SMIM20: variants seen among roughly 807,000 people sequenced by gnomAD.
SMIM20 encodes small integral membrane protein 20.
In SMIM20, 3 loss-of-function variants were observed where a neutral mutation model predicts 8.7. The ratio of observed to expected loss-of-function variants is 0.34; its 90% CI spans 0.16 to 0.89. The LOEUF is 0.89. SMIM20 is among the 40% of genes least tolerant of loss of function. The pLI is 0.49. For synonymous variants in SMIM20, 44 were observed against 33.6 expected (o/e 1.31, Z -1.07); for missense variants, 85 against 84.8 (o/e 1.00, Z -0.01).
intron 1 of SMIM20, chr4:25,928,107 T>C: frequency 4.8e-6 from 2 of 413,230 alleles, no homozygotes; most frequent in South Asian, 1.5e-4. Flanking sequence ...ATGGATTTCT[T>C]TATTCTTTTG....
At chr4:25,915,696 T>C (rs774782903) in intron 1 of SMIM20, among the ~76,000 whole-genome samples, 6 of 152,182 alleles carry the variant, frequency 3.9e-5, no homozygotes, top group Non-Finnish European at 5.9e-5. Context: ...CCAGCGATTA[T>C]ATTGAGGCCA....
intron 1 of SMIM20, among the ~76,000 whole-genome samples, chr4:25,917,933 G>GTTTTTT (rs1252198807): frequency 6.8e-4 from 94 of 139,182 alleles, no homozygotes; most frequent in African/African-American, 2.2e-3. Context: ...GTACAGGTCA[G>GTTTTTT]TTTTTTTTTT....
At position 25,929,267 on chromosome 4, in the gene SMIM20, C is replaced by T; in HGVS notation, c.*76C>T. On this transcript the variant is annotated 3_prime_UTR_variant, in exon 3 of 3. Transcript: ENST00000506197. ...ATTCTGCATGGGGTACAGCCAGTCA[C>T]CTCACCAGAGAATGACGGCTGGAGA... The T allele has an allele frequency of 2.0e-6, 3 of 1,465,864 alleles. 1 individual carries two copies. The highest frequency in any genetic ancestry group is 1.9e-6 in the Non-Finnish European group (2 of 1,072,808). The allele number at this position is 1,465,864 out of a possible 1,614,324, so 90.8% of individuals were successfully genotyped here.
rs187755412 is a variant in SMIM20, at chr4:25,918,164, G to A, written c.109+3742G>A. 1.6e-3 allele frequency among the ~76,000 whole-genome samples: 238 copies of A among 151,940 alleles called. 3 individuals carry two copies. The East Asian group carries it at 0.029, about 19-fold the overall frequency. On this transcript the variant is annotated intron_variant, in intron 1 of 2. Transcript: ENST00000506197. Reference sequence around the variant, plus strand: ...TCACCGTGTTAGCCAGGATGGTCTCGACCTCCTGACCTCGTGATCCGCCTG... The same window carrying A: ...TCACCGTGTTAGCCAGGATGGTCTCAACCTCCTGACCTCGTGATCCGCCTG...
chr4:25,918,889 CTTTTTTTTTTTTTTT>C (rs775952783), intron 1 of SMIM20, among the ~76,000 whole-genome samples: 12 of 91,694 alleles, frequency 1.3e-4, no homozygotes, highest in African/African-American at 4.3e-4. Flanking sequence ...ATGTGAATAT[CTTTTTTTTTTTTTTT>C]TTTTTTTTTT....
intron 1 of SMIM20, among the ~76,000 whole-genome samples, chr4:25,918,125 G>A (rs1719128248): frequency 6.6e-6 from 1 of 151,882 alleles, no homozygotes; most frequent in East Asian, 2.0e-4. Flanking sequence ...TGTATTATCA[G>A]TAGAGACGGG....
chr4:25,919,160 T>C (rs1284821010), intron 1 of SMIM20, among the ~76,000 whole-genome samples: 1 of 151,956 alleles, frequency 6.6e-6, no homozygotes, highest in Non-Finnish European at 1.5e-5. Flanking sequence ...CGCCTCGGCC[T>C]CCCAAAGTGC....
At chr4:25,927,616 T>A (rs548627059) in intron 1 of SMIM20, among the ~76,000 whole-genome samples, 1 of 152,358 alleles carries the variant, frequency 6.6e-6, no homozygotes, top group East Asian at 1.9e-4. Flanking sequence ...TAACTCTTTG[T>A]TTTTACAGAC....
rs537806550 is a variant in SMIM20 at position 25,917,946 on chromosome 4, GT to G, written c.109+3538del. Among the ~76,000 whole-genome samples the G allele has an allele frequency of 4.2e-4, 54 of 127,998 alleles. No individual in the cohort carries two copies. The South Asian group carries it at 5.2e-3, about 12-fold the overall frequency. 84.0% of individuals were successfully genotyped at this position (127,998 alleles called of 152,430 possible). On this transcript the variant is annotated intron_variant, in intron 1 of 2. Coordinates refer to ENST00000506197, the MANE Select transcript of SMIM20 (RefSeq NM_001145432.3). Reference sequence around the variant, plus strand: ...TGGTACAGGTCAGTTTTTTTTTTTTGTTTTTTTTTTTTTTGAGACAGAGTCT... The same window carrying G: ...TGGTACAGGTCAGTTTTTTTTTTTTGTTTTTTTTTTTTTGAGACAGAGTCT...
chr4:25,917,724 C>T (rs1012019239), intron 1 of SMIM20, among the ~76,000 whole-genome samples: 1 of 152,200 alleles, frequency 6.6e-6, no homozygotes, highest in Non-Finnish European at 1.5e-5. Context: ...TTGTCCTGTC[C>T]ACCTCGCTCC....
intron 1 of SMIM20, among the ~76,000 whole-genome samples, chr4:25,924,227 A>C (rs1420149298): frequency 4.6e-5 from 7 of 152,192 alleles, no homozygotes; most frequent in Admixed American, 4.6e-4. Flanking sequence ...TTTTGAAAAA[A>C]ATTTTATATT....
In SMIM20 at chr4:25,917,718, C is replaced by G. The variant is rs183057794; in HGVS notation, c.109+3296C>G. On this transcript the variant is annotated intron_variant, in intron 1 of 2. Coordinates refer to ENST00000506197, the MANE Select transcript of SMIM20 (RefSeq NM_001145432.3). Reference sequence around the variant, plus strand: ...TCCATCATGCTCTTCCTACCCTTGTCCTGTCCACCTCGCTCCACCCATTCC... The same window carrying G: ...TCCATCATGCTCTTCCTACCCTTGTGCTGTCCACCTCGCTCCACCCATTCC... 2.0e-5 allele frequency among the ~76,000 whole-genome samples: 3 copies of G among 152,204 alleles called. No homozygotes were observed. The South Asian group carries it at 6.2e-4, about 31-fold the overall frequency.
Position 25,929,134 on chromosome 4 carries a change from G to T in SMIM20, c.167-20G>T, listed in dbSNP as rs369480019. The T allele has an allele frequency of 1.6e-4, 244 of 1,551,402 alleles. 1 individual carries two copies. The African/African-American group carries it at 2.9e-3, about 19-fold the overall frequency. ...ACATTTAAAAATGAATCCTGTTTTT[G>T]TTCCTGTTTCTTTCCATAGGGTTAA... On this transcript the variant is annotated intron_variant, in intron 2 of 2. Transcript: ENST00000506197.
chr4:25,918,043 C>T (rs1425728144), intron 1 of SMIM20, among the ~76,000 whole-genome samples: 3 of 150,580 alleles, frequency 2.0e-5, no homozygotes, highest in Non-Finnish European at 3.0e-5. Context: ...CCCGGGTTCA[C>T]GCCATTCTCC....
intron 1 of SMIM20, among the ~76,000 whole-genome samples, chr4:25,914,859 G>A (rs1380522598): frequency 6.6e-6 from 1 of 152,160 alleles, no homozygotes; most frequent in Non-Finnish European, 1.5e-5. Flanking sequence ...GGAACTGAGA[G>A]GCTCAGAGGT....
chr4:25,926,918 C>G (rs1711527174), intron 1 of SMIM20, among the ~76,000 whole-genome samples: 1 of 152,170 alleles, frequency 6.6e-6, no homozygotes, highest in Admixed American at 6.5e-5. Flanking sequence ...CTTCCAAGAG[C>G]ATGTTCGAGA....
intron 1 of SMIM20, 49 bp downstream of exon 1, chr4:25,914,471 A>T: frequency 7.3e-7 from 1 of 1,378,612 alleles, no homozygotes; most frequent in Non-Finnish European, 9.5e-7. Context: ...CAACACACAC[A>T]CCTCCCCTCT....
intron 1 of SMIM20, among the ~76,000 whole-genome samples, chr4:25,922,928 T>G (rs1182620381): frequency 6.6e-6 from 1 of 152,148 alleles, no homozygotes; most frequent in Non-Finnish European, 1.5e-5. Flanking sequence ...GCCAAGGAGA[T>G]CTTCCATGGT....
Position 25,929,271 on chromosome 4 carries a change from A to C in SMIM20, c.*80A>C, listed in dbSNP as rs1711588259. 2 of 1,444,458 alleles carry C rather than the reference A, an allele frequency of 1.4e-6. No homozygotes were observed. The highest frequency in any genetic ancestry group is 1.4e-5 in the African/African-American group (1 of 70,524). 89.5% of individuals were successfully genotyped at this position (1,444,458 alleles called of 1,614,324 possible). On this transcript the variant is annotated 3_prime_UTR_variant, in exon 3 of 3. Transcript: ENST00000506197. ...TGCATGGGGTACAGCCAGTCACCTC[A>C]CCAGAGAATGACGGCTGGAGAAGAA...
Sources: gnomAD v4.1 joint callset for allele counts (sites outside exome capture counted in the v4.1 genomes callset) on GRCh38, gnomAD v4.1.1 for gene constraint, MANE v1.5 for transcripts, NCBI Gene and HGNC (gene_info 2026-07-23, HGNC 2026-07-21) for gene names.